PKD2: variants seen among roughly 807,000 people sequenced by gnomAD.
PKD2 encodes polycystin-2.
Under a neutral mutation model 105.9 loss-of-function variants are expected in PKD2, and 48 were observed. That is an observed-to-expected ratio of 0.45 (90% CI 0.36 to 0.58). The LOEUF is 0.58. Ranked by LOEUF, PKD2 falls within the 20% of genes least tolerant of loss-of-function variation. The pLI is 0.00. For missense variants in PKD2, 1,078 were observed against 1,255.3 expected (o/e 0.86, Z 2.13); for synonymous variants, 464 against 481.1 (o/e 0.96, Z 0.46).
At chr4:88,062,678 AGTTT>A (rs1398484918) in intron 10 of PKD2, among the ~76,000 whole-genome samples, 4 of 152,140 alleles carry the variant, frequency 2.6e-5, no homozygotes, top group African/African-American at 9.7e-5. Flanking sequence ...TAAAATACAC[AGTTT>A]GTTTCCCAAC....
Position 88,047,816 on chromosome 4 carries a change from A to AG in PKD2, c.1548+947dup, listed in dbSNP as rs1228034430. Among the ~76,000 whole-genome samples, 5 of 152,272 alleles carry AG rather than the reference A, an allele frequency of 3.3e-5. No individual in the cohort carries two copies. The East Asian group carries it at 9.6e-4, about 29-fold the overall frequency. On this transcript the variant is annotated intron_variant, in intron 6 of 14. Coordinates refer to ENST00000237596, the MANE Select transcript of PKD2 (RefSeq NM_000297.4). ...AGTTTGATACCAGCCTGGGCAACAT[A>AG]GTGAGACCCCATCTCTAAAAAATAA...
At chr4:88,022,037 C>T (rs72873467) in intron 2 of PKD2, among the ~76,000 whole-genome samples, 4,608 of 152,276 alleles carry the variant, frequency 0.03, 230 homozygotes, top group African/African-American at 0.11. Flanking sequence ...CCAGACACTA[C>T]ACTGTGGCTT....
intron 2 of PKD2, among the ~76,000 whole-genome samples, chr4:88,030,609 T>C (rs1727111966): frequency 6.6e-6 from 1 of 152,224 alleles, no homozygotes; most frequent in Non-Finnish European, 1.5e-5. Flanking sequence ...TTCTAATTCC[T>C]CCTCATCCTT....
At chr4:88,014,325 C>G (rs1341528321) in intron 1 of PKD2, among the ~76,000 whole-genome samples, 1 of 152,044 alleles carries the variant, frequency 6.6e-6, no homozygotes, top group Non-Finnish European at 1.5e-5. Context: ...GTAACATATA[C>G]TTGTCTGCAC....
intron 6 of PKD2, among the ~76,000 whole-genome samples, chr4:88,051,552 C>T (rs905993599): frequency 5.3e-5 from 8 of 151,594 alleles, no homozygotes; most frequent in Non-Finnish European, 8.8e-5. Context: ...GCAGAGAAAC[C>T]GAAAAATTTT....
intron 12 of PKD2, among the ~76,000 whole-genome samples, chr4:88,067,522 G>A (rs561703137): frequency 1.3e-5 from 2 of 152,038 alleles, no homozygotes; most frequent in South Asian, 4.2e-4. Context: ...TTTTTGTGGA[G>A]GCAGAGTCTC....
intron 12 of PKD2, 110 bp downstream of exon 12, chr4:88,065,989 C>A: frequency 1.3e-6 from 1 of 759,258 alleles, no homozygotes; most frequent in South Asian, 1.4e-5. Flanking sequence ...TTCCCCACCA[C>A]ACTCTCTCTC....
chr4:88,059,786 C>T (rs777837614), intron 9 of PKD2, among the ~76,000 whole-genome samples: 4 of 134,976 alleles, frequency 3.0e-5, no homozygotes, highest in Non-Finnish European at 4.7e-5. Flanking sequence ...CATACATAGA[C>T]ACATACATAG....
intron 7 of PKD2, among the ~76,000 whole-genome samples, 197 bp downstream of exon 7, chr4:88,052,355 A>T (rs1437555742): frequency 6.6e-6 from 1 of 152,110 alleles, no homozygotes; most frequent in Non-Finnish European, 1.5e-5. Context: ...TGCAGCCTCG[A>T]CTTCCCAGGC....
chr4:88,054,109 A>C (rs947512744), intron 7 of PKD2, among the ~76,000 whole-genome samples: 1 of 152,034 alleles, frequency 6.6e-6, no homozygotes, highest in Admixed American at 6.6e-5. Flanking sequence ...TCAAGATAGT[A>C]ATAATAATCA....
At chr4:88,038,773 T>A (rs1368744069) in intron 4 of PKD2, among the ~76,000 whole-genome samples, 1 of 152,230 alleles carries the variant, frequency 6.6e-6, no homozygotes, top group African/African-American at 2.4e-5. Context: ...TCTGAGCGTT[T>A]GAAAATTTCA....
In PKD2 at chr4:88,041,798, C is replaced by A. The variant is rs573640284; in HGVS notation, c.1095-1435C>A. On this transcript the variant is annotated intron_variant, in intron 4 of 14. Coordinates refer to ENST00000237596, the MANE Select transcript of PKD2 (RefSeq NM_000297.4). Reference sequence around the variant, plus strand: ...GAAAGTTGAATACTGGTGCAGGGAGCTGTTTATCAGTCAAGTTCCCAGATG... The same window carrying A: ...GAAAGTTGAATACTGGTGCAGGGAGATGTTTATCAGTCAAGTTCCCAGATG... 2.0e-5 allele frequency among the ~76,000 whole-genome samples: 3 copies of A among 152,292 alleles called. No homozygotes were observed. In the East Asian group the frequency reaches 5.8e-4, roughly 29 times the overall value.
At chr4:88,012,019 A>G (rs187560577) in intron 1 of PKD2, among the ~76,000 whole-genome samples, 2 of 152,170 alleles carry the variant, frequency 1.3e-5, no homozygotes, top group Admixed American at 6.5e-5. Flanking sequence ...GGATGCTGCT[A>G]ATCTACAATG....
At chr4:88,040,577 C>T (rs1008853918) in intron 4 of PKD2, among the ~76,000 whole-genome samples, 46 of 152,182 alleles carry the variant, frequency 3.0e-4, no homozygotes, top group African/African-American at 1.0e-3. Context: ...ACTTCCATTT[C>T]CTTACCATCA....
rs1727415323 is a variant in PKD2, at chr4:88,038,290, A to C, written c.883A>C (p.Met295Leu). ...GSLLDGLYWK[M>L]QPSNQTEADN... ...CTTATTGGATGGGCTGTACTGGAAG[A>C]TGCAGCCCAGCAACCAGACTGAAGC... Residue 295 changes from methionine to leucine, a missense_variant, in exon 4 of 15, where the codon ATG becomes CTG. This residue lies in a region of PKD2 where 868 missense variants were observed against 1,067.3 expected (regional missense o/e 0.81). Transcript: ENST00000237596. 1 of 1,613,172 alleles carries C rather than the reference A, an allele frequency of 6.2e-7. No individual in the cohort carries two copies. The highest frequency in any genetic ancestry group is 8.5e-7 in the Non-Finnish European group (1 of 1,179,112).
chr4:88,011,893 T>TGGGG (rs142922515), intron 1 of PKD2, among the ~76,000 whole-genome samples: 2 of 113,072 alleles, frequency 1.8e-5, no homozygotes, highest in African/African-American at 7.1e-5. Flanking sequence ...AGGTTTTCAA[T>TGGGG]GGGGGGGGGG....
At chr4:88,018,658 T>C (rs1726643276) in intron 1 of PKD2, among the ~76,000 whole-genome samples, 1 of 152,212 alleles carries the variant, frequency 6.6e-6, no homozygotes, top group African/African-American at 2.4e-5. Context: ...AGTCCAAAAC[T>C]GCGGTCACTC....
At position 88,008,219 on chromosome 4, in the gene PKD2, G is replaced by A. The variant is rs1351393108; in HGVS notation, c.486G>A (p.Pro162=). The change falls in exon 1 of 15, where the codon CCG becomes CCA. Residue 162 remains proline (P), a synonymous_variant. Transcript: ENST00000237596. ...GGCGCCGGCGAGAGGACCAGGGCCCGCCGTGCCCCAGCCCAGTCGGCGGCG... is the reference window on the plus strand; with the variant it reads ...GGCGCCGGCGAGAGGACCAGGGCCCACCGTGCCCCAGCCCAGTCGGCGGCG... ...GRRRRREDQG[P]PCPSPVGGGD... The A allele has an allele frequency of 7.1e-6, 10 of 1,406,210 alleles. No homozygotes were observed. The highest frequency in any genetic ancestry group is 6.1e-5 in the South Asian group (4 of 65,472). 87.1% of individuals were successfully genotyped at this position (1,406,210 alleles called of 1,614,324 possible). A position where few individuals can be genotyped will look rare whatever the true frequency, so the allele number is the denominator to read the frequency against.
At chr4:88,035,580 G>A (rs553860770) in intron 2 of PKD2, among the ~76,000 whole-genome samples, 3 of 152,276 alleles carry the variant, frequency 2.0e-5, no homozygotes, top group African/African-American at 7.2e-5. Flanking sequence ...CCATGGCCAA[G>A]GTTAGAGTCT....
Sources: gnomAD v4.1 joint callset for allele counts (sites outside exome capture counted in the v4.1 genomes callset) on GRCh38, gnomAD v4.1.1 for gene constraint, gnomAD v4.1.1 regional missense constraint, MANE v1.5 for transcripts, NCBI Gene and HGNC (gene_info 2026-07-23, HGNC 2026-07-21) for gene names.